Variants in TRAK1 observed in about 807,000 individuals in gnomAD.
The protein encoded by TRAK1 is trafficking kinesin-binding protein 1.
A neutral mutation model predicts 92.1 loss-of-function variants in TRAK1; 33 were observed. The ratio of observed to expected loss-of-function variants is 0.36; its 90% confidence interval spans 0.27 to 0.48. The LOEUF (loss-of-function observed/expected upper bound fraction) is 0.48, where lower values mean the gene tolerates loss of function less well. TRAK1 is among the 20% of genes least tolerant of loss of function. The pLI is 0.99. For missense variants in TRAK1, 1,123 were observed against 1,257.9 expected, an observed-to-expected ratio of 0.89 and a Z score of 1.62; for synonymous variants, 521 against 517.3, an observed-to-expected ratio of 1.01 and a Z score of -0.10.
rs1014299391 is a variant in TRAK1 at position 42,202,271 on chromosome 3, A to G, written c.1428-165A>G. On this transcript the variant is annotated intron_variant, in intron 12 of 15. Coordinates refer to ENST00000327628, the MANE Select transcript of TRAK1 (RefSeq NM_001042646.3). The surrounding 1 kb of genome is among the most constrained non-coding windows in gnomAD (Gnocchi z 6.1). ...ACCCCTGGCGGGAGTGGTTCTGGAC[A>G]CGAATTTATTTCCCCCTGTTGCCTA... Among the ~76,000 whole-genome samples the G allele has an allele frequency of 1.3e-5, 2 of 152,060 alleles. No individual in the cohort carries two copies. Among genetic ancestry groups the G allele is most frequent in the Admixed American group, 1.3e-4 (2 of 15,278 alleles).
At chr3:42,042,835 G>C (rs1169922437) in intron 1 of TRAK1, among the ~76,000 whole-genome samples, 2 of 152,088 alleles carry the variant, frequency 1.3e-5, no homozygotes, top group Admixed American at 1.3e-4. Context: ...TCCTCTCTCT[G>C]GGGCGGGTCA....
chr3:42,204,421 G>GTTAGA (rs1049549492), intron 13 of TRAK1, among the ~76,000 whole-genome samples: 1 of 152,218 alleles, frequency 6.6e-6, no homozygotes, highest in Admixed American at 6.5e-5. Flanking sequence ...AGGAAATCCT[G>GTTAGA]TTAGATTAGC....
At chr3:42,023,302 T>G (rs768300969) in intron 1 of TRAK1, among the ~76,000 whole-genome samples, 1 of 152,168 alleles carries the variant, frequency 6.6e-6, no homozygotes, top group African/African-American at 2.4e-5. Context: ...CAAGCAAGTT[T>G]GAGAATTTCC....
intron 1 of TRAK1, among the ~76,000 whole-genome samples, chr3:42,092,711 G>GTGTTGTGTTGTGTTATGTTA (rs1400587515): frequency 1.2e-3 from 120 of 101,106 alleles, no homozygotes; most frequent in African/African-American, 1.4e-3. Flanking sequence ...GTGTTGTGTT[G>GTGTTGTGTTGTGTTATGTTA]TGTTATGTTA....
intron 2 of TRAK1, among the ~76,000 whole-genome samples, chr3:42,140,582 G>A (rs752359173): frequency 3.9e-5 from 6 of 152,144 alleles, no homozygotes; most frequent in Non-Finnish European, 8.8e-5. Flanking sequence ...AGCCGAGATC[G>A]CACCGCTGCA....
chr3:42,094,771 G>A (rs747008323), intron 1 of TRAK1, among the ~76,000 whole-genome samples: 2 of 152,180 alleles, frequency 1.3e-5, no homozygotes, highest in Admixed American at 6.5e-5. Flanking sequence ...AACATATATC[G>A]AAATGTATTA....
chr3:42,031,789 G>A (rs895249484), intron 1 of TRAK1, among the ~76,000 whole-genome samples: 15 of 152,116 alleles, frequency 9.9e-5, no homozygotes, highest in Admixed American at 7.2e-4. Context: ...TCTGAGGTGC[G>A]TTTCCAGTTT....
chr3:42,123,827 C>T (rs1710226045), intron 1 of TRAK1, among the ~76,000 whole-genome samples: 1 of 152,018 alleles, frequency 6.6e-6, no homozygotes. Flanking sequence ...AAAGCGAGAA[C>T]TTGGTACTGT....
intron 1 of TRAK1, among the ~76,000 whole-genome samples, chr3:42,043,488 C>T (rs1316805984): frequency 1.3e-5 from 2 of 152,068 alleles, no homozygotes; most frequent in Non-Finnish European, 2.9e-5. Context: ...GCTCTGACCT[C>T]ATCCCCTCCA....
intron 14 of TRAK1, chr3:42,211,034 C>T (rs1341501007): frequency 2.0e-6 from 2 of 985,348 alleles, no homozygotes; most frequent in Non-Finnish European, 2.4e-6. Flanking sequence ...GAAGGCAAAG[C>T]TTTTGTGGAG....
chr3:42,208,254 G>C lies in TRAK1; in HGVS notation c.1745-1513G>C, dbSNP rs535776873. Among the ~76,000 whole-genome samples, 9 of 152,160 alleles carry C rather than the reference G, an allele frequency of 5.9e-5. No homozygotes were observed. The East Asian group carries it at 1.7e-3, about 29-fold the overall frequency. On this transcript the variant is annotated intron_variant, in intron 13 of 15. Coordinates refer to ENST00000327628, the MANE Select transcript of TRAK1 (RefSeq NM_001042646.3). ...TTGTACCCGTGAACCCTTAAAACTG[G>C]GATAAGCCTTGATGTGGGTGTCTGG...
At chr3:42,106,947 G>A (rs1707649634) in intron 1 of TRAK1, among the ~76,000 whole-genome samples, 2 of 152,316 alleles carry the variant, frequency 1.3e-5, no homozygotes, top group Middle Eastern at 3.4e-3. Context: ...GGCACAGTTG[G>A]CATTGTGATT....
chr3:42,031,327 G>A (rs1187170344), intron 1 of TRAK1, among the ~76,000 whole-genome samples: 2 of 150,170 alleles, frequency 1.3e-5, no homozygotes, highest in South Asian at 2.2e-4. Flanking sequence ...GTGAGCCACC[G>A]TGCCTGGCCT....
intron 1 of TRAK1, among the ~76,000 whole-genome samples, chr3:42,045,960 A>G (rs888085519): frequency 6.6e-6 from 1 of 152,238 alleles, no homozygotes; most frequent in East Asian, 1.9e-4. Flanking sequence ...ATAATTGCCT[A>G]TTAGCATATA....
At chr3:42,167,531 T>G (rs1702020197) in intron 2 of TRAK1, among the ~76,000 whole-genome samples, 1 of 152,248 alleles carries the variant, frequency 6.6e-6, no homozygotes, top group African/African-American at 2.4e-5. Context: ...CTCACCCCGT[T>G]CCAGTGGCCA....
At chr3:42,181,109 C>G (rs1445672413) in intron 3 of TRAK1, among the ~76,000 whole-genome samples, 1 of 152,196 alleles carries the variant, frequency 6.6e-6, no homozygotes, top group Non-Finnish European at 1.5e-5. Flanking sequence ...TCCTGTCTCC[C>G]AATTCCTGTT....
intron 14 of TRAK1, among the ~76,000 whole-genome samples, chr3:42,213,915 G>T (rs1479521126): frequency 6.6e-6 from 1 of 152,148 alleles, no homozygotes; most frequent in South Asian, 2.1e-4. Context: ...TGGATAGTTG[G>T]CTCACACCCA....
intron 13 of TRAK1, chr3:42,203,517 A>G: frequency 2.2e-6 from 2 of 913,724 alleles, no homozygotes; most frequent in Non-Finnish European, 2.5e-6. Context: ...TTTTTTTTTA[A>G]TTTAGGCACT....
At chr3:42,183,921 C>A (rs1704408262) in intron 3 of TRAK1, among the ~76,000 whole-genome samples, 1 of 152,184 alleles carries the variant, frequency 6.6e-6, no homozygotes, top group African/African-American at 2.4e-5. Context: ...TTATATGCCA[C>A]TCCAAATTTT....
Sources: allele counts gnomAD v4.1 joint callset (sites outside exome capture counted in the v4.1 genomes callset), GRCh38; gene constraint gnomAD v4.1.1; non-coding constraint Gnocchi (gnomAD v3.1); transcripts MANE v1.5; gene names NCBI Gene and HGNC (gene_info 2026-07-23, HGNC 2026-07-21).